The following CEP85L variants were observed in gnomAD, a reference collection of about 807,000 sequenced individuals.
The protein encoded by CEP85L is centrosomal protein of 85 kDa-like.
In CEP85L, 60 loss-of-function variants were observed where a neutral mutation model predicts 100.3. The observed-to-expected ratio is 0.60, with a 90% CI of 0.49 to 0.74. The LOEUF (loss-of-function observed/expected upper bound fraction) is 0.74, where lower values mean the gene tolerates loss of function less well. Ranked by LOEUF, CEP85L falls within the 30% of genes least tolerant of loss-of-function variation. The pLI, the probability that CEP85L is intolerant of heterozygous loss-of-function variation, is 0.00. For synonymous variants in CEP85L, 319 were observed against 322.7 expected (o/e 0.99, Z 0.12); for missense variants, 973 against 936.2 (o/e 1.04, Z -0.51).
intron 1 of CEP85L, among the ~76,000 whole-genome samples, chr6:118,647,975 T>C (rs1330995375): frequency 4.6e-5 from 7 of 152,190 alleles, no homozygotes; most frequent in African/African-American, 1.7e-4. Context: ...TCATTTTAGC[T>C]GGGCGCGGTT....
chr6:118,509,428 T>A (rs1196788634), intron 5 of CEP85L, among the ~76,000 whole-genome samples: 1 of 152,112 alleles, frequency 6.6e-6, no homozygotes, highest in Non-Finnish European at 1.5e-5. Flanking sequence ...GTACTCATTA[T>A]AAAGCCTTGC....
chr6:118,514,076 TA>T (rs1438400074), intron 4 of CEP85L, among the ~76,000 whole-genome samples: 1 of 152,230 alleles, frequency 6.6e-6, no homozygotes, highest in Non-Finnish European at 1.5e-5. Flanking sequence ...GATAGACTGC[TA>T]TACTTTAAAA....
At position 118,709,679 on chromosome 6, in the gene CEP85L, C is replaced by T. The variant is rs542260631; in HGVS notation, c.-28+357G>A. Among the ~76,000 whole-genome samples, 4 of 152,082 alleles carry T rather than the reference C, an allele frequency of 2.6e-5. No homozygotes were observed. In the East Asian group the frequency reaches 7.8e-4, roughly 29 times the overall value. On this transcript the variant is annotated intron_variant, in intron 1 of 13. Transcript: ENST00000368488. Reference sequence around the variant, plus strand: ...CTTATTTTCTGCATTCTCAGGAGTACGCAGAGTTCACAGTAAATGCAGAGT... The same window carrying T: ...CTTATTTTCTGCATTCTCAGGAGTATGCAGAGTTCACAGTAAATGCAGAGT...
intron 2 of CEP85L, among the ~76,000 whole-genome samples, chr6:118,579,194 C>G (rs189610770): frequency 3.3e-5 from 5 of 152,202 alleles, no homozygotes; most frequent in African/African-American, 1.2e-4. Context: ...CCACGCCTGG[C>G]TGAAAAGCTG....
intron 3 of CEP85L, among the ~76,000 whole-genome samples, chr6:118,535,587 G>A (rs1777544088): frequency 6.6e-6 from 1 of 152,160 alleles, no homozygotes; most frequent in Non-Finnish European, 1.5e-5. Flanking sequence ...TCTAAGTAGT[G>A]TGATGAAATC....
chr6:118,528,655 G>A (rs1777111804), intron 3 of CEP85L, among the ~76,000 whole-genome samples: 1 of 152,126 alleles, frequency 6.6e-6, no homozygotes, highest in Non-Finnish European at 1.5e-5. Flanking sequence ...GCTGTAGGTT[G>A]ACTTAAAAGT....
At chr6:118,620,702 C>T (rs1562315819) in intron 2 of CEP85L, among the ~76,000 whole-genome samples, 2 of 152,108 alleles carry the variant, frequency 1.3e-5, no homozygotes, top group African/African-American at 2.4e-5. Context: ...ACCAGGAAAT[C>T]GATTTCCTCC....
intron 3 of CEP85L, among the ~76,000 whole-genome samples, chr6:118,548,881 A>G (rs1465149343): frequency 6.6e-6 from 1 of 151,994 alleles, no homozygotes; most frequent in Non-Finnish European, 1.5e-5. Flanking sequence ...CTATTCCAAT[A>G]TTATCATAAT....
At chr6:118,695,714 T>C (rs794862) in intron 1 of CEP85L, among the ~76,000 whole-genome samples, 8,331 of 152,296 alleles carry the variant, frequency 0.055, 444 homozygotes, top group African/African-American at 0.14. Flanking sequence ...TGGTAAGCCA[T>C]AAACATAAGC....
At chr6:118,627,145 G>A (rs1773849508) in intron 2 of CEP85L, among the ~76,000 whole-genome samples, 1 of 124,298 alleles carries the variant, frequency 8.0e-6, no homozygotes, top group Non-Finnish European at 1.6e-5. Flanking sequence ...GTTACAGTGA[G>A]ACAAAATCCC....
chr6:118,633,103 C>T (rs532274444), intron 1 of CEP85L, among the ~76,000 whole-genome samples: 3 of 152,178 alleles, frequency 2.0e-5, no homozygotes, highest in Non-Finnish European at 4.4e-5. Flanking sequence ...ACAATCATCA[C>T]TTAAAATTTT....
intron 2 of CEP85L, among the ~76,000 whole-genome samples, chr6:118,590,154 T>C (rs1276212694): frequency 1.3e-5 from 2 of 151,946 alleles, no homozygotes; most frequent in African/African-American, 2.4e-5. Context: ...CTCACTCTGT[T>C]TCCTGTTCAA....
chr6:118,520,978 A>G (rs1448596138), intron 4 of CEP85L, among the ~76,000 whole-genome samples: 1 of 152,188 alleles, frequency 6.6e-6, no homozygotes, highest in African/African-American at 2.4e-5. Context: ...GCTTTAACCT[A>G]ATAATCCAGT....
chr6:118,554,115 C>G (rs1051883228), intron 3 of CEP85L, among the ~76,000 whole-genome samples: 1 of 152,094 alleles, frequency 6.6e-6, no homozygotes, highest in Admixed American at 6.5e-5. Flanking sequence ...CAGTGAAACC[C>G]TGTCCCTACC....
At chr6:118,709,246 C>T (rs571723653) in intron 1 of CEP85L, among the ~76,000 whole-genome samples, 90 of 152,194 alleles carry the variant, frequency 5.9e-4, no homozygotes, top group Non-Finnish European at 1.1e-3. Flanking sequence ...TTTACTCCCA[C>T]ATCAACAGCA....
chr6:118,575,467 G>A (rs950893936), intron 2 of CEP85L, among the ~76,000 whole-genome samples: 6 of 152,110 alleles, frequency 3.9e-5, no homozygotes, highest in South Asian at 2.1e-4. Flanking sequence ...CTGTGTTGGC[G>A]GCAAGTGCCT....
intron 12 of CEP85L, among the ~76,000 whole-genome samples, chr6:118,468,558 G>A (rs2114409832): frequency 6.6e-6 from 1 of 152,288 alleles, no homozygotes; most frequent in South Asian, 2.1e-4. Flanking sequence ...GAGTGAATGG[G>A]TGTCACATTA....
chr6:118,537,575 G>C (rs978569183), intron 3 of CEP85L: 2 of 985,044 alleles, frequency 2.0e-6, no homozygotes, highest in Non-Finnish European at 2.4e-6. Flanking sequence ...AGGATAGCAG[G>C]CATCTACAAC....
At chr6:118,689,394 C>G (rs573444434) in intron 1 of CEP85L, among the ~76,000 whole-genome samples, 179 of 152,198 alleles carry the variant, frequency 1.2e-3, no homozygotes, top group African/African-American at 4.1e-3. Context: ...AAACTTCAAC[C>G]TTTCAGGTGT....
Sources: allele counts gnomAD v4.1 joint callset (sites outside exome capture counted in the v4.1 genomes callset), GRCh38; gene constraint gnomAD v4.1.1; transcripts MANE v1.5; gene names NCBI Gene and HGNC (gene_info 2026-07-23, HGNC 2026-07-21).